The following CRACD variants were observed in gnomAD, a reference collection of about 807,000 sequenced individuals.
CRACD encodes capping protein-inhibiting regulator of actin dynamics.
Under a neutral mutation model 106.8 loss-of-function variants are expected in CRACD, and 56 were observed. The observed-to-expected ratio is 0.52, with a 90% CI of 0.42 to 0.66. The LOEUF is 0.66. Among genes scored for constraint, CRACD ranks in the 30% least tolerant of loss-of-function variants. The pLI is 0.00. For synonymous variants in CRACD, 754 were observed against 670.8 expected (o/e 1.12, Z -1.92); for missense variants, 1,730 against 1,623.2 (o/e 1.07, Z -1.13).
chr4:56,290,844 G>A (rs151229860), intron 3 of CRACD, among the ~76,000 whole-genome samples: 46 of 152,206 alleles, frequency 3.0e-4, no homozygotes, highest in African/African-American at 1.1e-3. Context: ...TCTGTAAGTC[G>A]GGGCTGTGAT....
At chr4:56,067,089 T>C (rs1372103677) in intron 1 of CRACD, among the ~76,000 whole-genome samples, 1 of 152,054 alleles carries the variant, frequency 6.6e-6, no homozygotes, top group African/African-American at 2.4e-5. Flanking sequence ...GGTCCCAAGA[T>C]TATACAAGAG....
chr4:56,255,485 A>T (rs201344257), intron 2 of CRACD, among the ~76,000 whole-genome samples: 14,076 of 152,148 alleles, frequency 0.093, 1,926 homozygotes, highest in East Asian at 0.61. Flanking sequence ...ACTCTTTAAA[A>T]AAAAAAAATC....
chr4:56,065,988 G>A (rs1396438021), intron 1 of CRACD, among the ~76,000 whole-genome samples: 5 of 152,102 alleles, frequency 3.3e-5, no homozygotes, highest in Non-Finnish European at 1.5e-5. Context: ...TCTTTTCAGG[G>A]TTTATTCACG....
At chr4:56,085,211 T>C (rs1257198395) in intron 1 of CRACD, among the ~76,000 whole-genome samples, 1 of 152,168 alleles carries the variant, frequency 6.6e-6, no homozygotes, top group Non-Finnish European at 1.5e-5. Flanking sequence ...GAACGGACAG[T>C]GGAGAGGTGT....
rs371890845 is a variant in CRACD at position 56,184,021 on chromosome 4, A to G, written c.-189+4591A>G. On this transcript the variant is annotated intron_variant, in intron 2 of 10. Transcript: ENST00000682029. ...TCTTCATCTTAGTATAAAGAAGGGG[A>G]AAAAAAGCTGCCTCTCATCTAAAGA... Among the ~76,000 whole-genome samples, 179 of 152,142 alleles carry G rather than the reference A, an allele frequency of 1.2e-3. 2 individuals are homozygous for G. Among genetic ancestry groups the G allele is most frequent in the African/African-American group, 3.7e-3 (152 of 41,500 alleles).
At chr4:56,118,824 C>G (rs891546711) in intron 1 of CRACD, among the ~76,000 whole-genome samples, 3 of 152,166 alleles carry the variant, frequency 2.0e-5, no homozygotes, top group African/African-American at 7.2e-5. Flanking sequence ...GTATAGTTTT[C>G]CTTCTGTGCA....
intron 2 of CRACD, among the ~76,000 whole-genome samples, chr4:56,270,109 C>T (rs1742261966): frequency 6.6e-6 from 1 of 152,176 alleles, no homozygotes; most frequent in Admixed American, 6.5e-5. Context: ...CTAATGTTCC[C>T]AGATGATTGT....
intron 7 of CRACD, 108 bp downstream of exon 7, chr4:56,313,487 T>C: frequency 1.1e-6 from 1 of 877,752 alleles, no homozygotes; most frequent in Non-Finnish European, 1.7e-6. Flanking sequence ...CCTGAGAGTC[T>C]CCCCATCGGG....
chr4:56,298,699 G>A (rs1478527033), intron 4 of CRACD, among the ~76,000 whole-genome samples: 1 of 152,150 alleles, frequency 6.6e-6, no homozygotes, highest in East Asian at 1.9e-4. Context: ...TTGGGAGGCC[G>A]AGGCGGGTGG....
intron 1 of CRACD, among the ~76,000 whole-genome samples, chr4:56,098,416 C>T (rs965396176): frequency 2.6e-5 from 4 of 152,140 alleles, no homozygotes; most frequent in Non-Finnish European, 5.9e-5. Flanking sequence ...TATACATTTA[C>T]ACTACTTCGG....
At chr4:56,176,434 T>TTC (rs1736586433) in intron 1 of CRACD, among the ~76,000 whole-genome samples, 1 of 149,618 alleles carries the variant, frequency 6.7e-6, no homozygotes, top group African/African-American at 2.5e-5. Context: ...CCAATTTCTT[T>TTC]TTTTTTTTTT....
chr4:56,179,031 T>C (rs1334820300), intron 1 of CRACD, among the ~76,000 whole-genome samples: 1 of 152,246 alleles, frequency 6.6e-6, no homozygotes, highest in African/African-American at 2.4e-5. Context: ...GTCTCAGTAT[T>C]CAGGGATGTG....
At position 56,315,245 on chromosome 4, in the gene CRACD, C is replaced by T. The variant is rs1251704083; in HGVS notation, c.1743C>T (p.Val581=). 1.2e-6 allele frequency: 2 copies of T among 1,602,990 alleles called. No homozygotes were observed. The highest frequency in any genetic ancestry group is 2.2e-5 in the South Asian group (2 of 89,246). ...QEPKAPKASP[V]QHALPSSLSV... ...CAAAGGCCCCCAAAGCCAGCCCAGT[C>T]CAGCACGCCCTACCGTCGTCCCTGA... Residue 581 remains valine, a synonymous_variant, in exon 8 of 11, where the codon GTC becomes GTT. Transcript: ENST00000682029. The surrounding 1 kb of genome is among the most constrained non-coding windows in gnomAD (Gnocchi z 4.1).
chr4:56,279,712 C>T (rs1207024579), intron 3 of CRACD, among the ~76,000 whole-genome samples: 1 of 152,156 alleles, frequency 6.6e-6, no homozygotes, highest in Non-Finnish European at 1.5e-5. Context: ...TAAACTAGTT[C>T]AACCATTGTG....
At position 56,327,679 on chromosome 4, in the gene CRACD, G is replaced by C. The variant is rs1166834038; in HGVS notation, c.3577G>C (p.Val1193Leu). 3 of 1,613,796 alleles carry C rather than the reference G, an allele frequency of 1.9e-6. No individual in the cohort carries two copies. The highest frequency in any genetic ancestry group is 2.5e-6 in the Non-Finnish European group (3 of 1,179,954). ...CGACTCGGCTCCCCCAGCGCCGCTGGTAAAAGAAGTCACCAAGAGGTTTTC... is the reference window on the plus strand; with the variant it reads ...CGACTCGGCTCCCCCAGCGCCGCTGCTAAAAGAAGTCACCAAGAGGTTTTC... ...ISDSAPPAPLVKEVTKRFSTP... is the reference protein window; with the variant it reads ...ISDSAPPAPLLKEVTKRFSTP... Residue 1193 changes from valine to leucine, a missense_variant, in exon 11 of 11, where the codon GTA becomes CTA. Val to Leu is a conservative substitution (Grantham distance 32, BLOSUM62 1). Around this residue, in one of 5 missense-constraint regions of CRACD, gnomAD observed 89 missense variants for 89.6 expected, o/e 0.99. Coordinates refer to ENST00000682029, the MANE Select transcript of CRACD (RefSeq NM_001393381.1).
At chr4:56,104,881 G>A (rs1733893289) in intron 1 of CRACD, among the ~76,000 whole-genome samples, 1 of 151,496 alleles carries the variant, frequency 6.6e-6, no homozygotes, top group African/African-American at 2.4e-5. Flanking sequence ...GCAGGAGAAT[G>A]GCGTGAACCT....
intron 3 of CRACD, among the ~76,000 whole-genome samples, chr4:56,285,042 G>A (rs1189056179): frequency 6.6e-6 from 1 of 152,176 alleles, no homozygotes; most frequent in Non-Finnish European, 1.5e-5. Flanking sequence ...TGGTTGGGAG[G>A]CCTCAGGAAA....
chr4:56,165,068 G>T (rs965518281), intron 1 of CRACD, among the ~76,000 whole-genome samples: 3 of 152,180 alleles, frequency 2.0e-5, no homozygotes, highest in Admixed American at 1.3e-4. Context: ...AGATTCCAGA[G>T]CAGCTCTTGT....
At chr4:56,277,584 AACAAAACAAGGG>A (rs1742748565) in intron 3 of CRACD, among the ~76,000 whole-genome samples, 1 of 152,210 alleles carries the variant, frequency 6.6e-6, no homozygotes, top group African/African-American at 2.4e-5. Flanking sequence ...TAAGATCAGG[AACAAAACAAGGG>A]TTTCTTATCT....
Sources: allele counts gnomAD v4.1 joint callset (sites outside exome capture counted in the v4.1 genomes callset), GRCh38; gene constraint gnomAD v4.1.1; regional missense constraint gnomAD v4.1.1; non-coding constraint Gnocchi (gnomAD v3.1); transcripts MANE v1.5; gene names NCBI Gene and HGNC (gene_info 2026-07-23, HGNC 2026-07-21).